The following CPA6 variants were observed in gnomAD, a reference collection of about 807,000 sequenced individuals.
The protein encoded by CPA6 is carboxypeptidase B.
In CPA6, 58 loss-of-function variants were observed where a neutral mutation model predicts 63.3. The observed-to-expected ratio is 0.92, with a 90% CI of 0.74 to 1.14. The LOEUF (loss-of-function observed/expected upper bound fraction) is 1.14. Among genes scored for constraint, CPA6 ranks in the 50% most tolerant of loss-of-function variants. The pLI is 0.00. For synonymous variants in CPA6, 185 were observed against 179.0 expected (o/e 1.03, Z -0.27); for missense variants, 565 against 526.6 (o/e 1.07, Z -0.71).
chr8:67,608,808 C>G (rs1411420544), intron 2 of CPA6, among the ~76,000 whole-genome samples: 3 of 152,174 alleles, frequency 2.0e-5, no homozygotes, highest in Non-Finnish European at 4.4e-5. Context: ...ATGAGCCACC[C>G]CCTTTGTGAG....
chr8:67,437,404 CAAAAT>C (rs2128953050), intron 8 of CPA6, among the ~76,000 whole-genome samples: 1 of 151,488 alleles, frequency 6.6e-6, no homozygotes, highest in East Asian at 1.9e-4. Context: ...CAAAACAAAA[CAAAAT>C]AAAACAAAAC....
chr8:67,585,481 G>A (rs1564010872), intron 2 of CPA6, among the ~76,000 whole-genome samples: 1 of 152,042 alleles, frequency 6.6e-6, no homozygotes, highest in Non-Finnish European at 1.5e-5. Flanking sequence ...AGAAAGCCAT[G>A]TTGTTAGACA....
rs964003354 is a variant in CPA6 at position 67,703,280 on chromosome 8, C to G, written c.116+42734G>C. 5.3e-5 allele frequency among the ~76,000 whole-genome samples: 8 copies of G among 152,308 alleles called. No individual in the cohort carries two copies. In the East Asian group the frequency reaches 1.4e-3, roughly 26 times the overall value. ...CCCAAAGCTGATCTCTCAGCTCACC[C>G]TGATGGGTGGCTTGTTGGGGTGGAA... On this transcript the variant is annotated intron_variant, in intron 1 of 10. Coordinates refer to ENST00000297770, the MANE Select transcript of CPA6 (RefSeq NM_020361.5).
At chr8:67,497,835 G>A (rs1008119726) in intron 6 of CPA6, among the ~76,000 whole-genome samples, 3 of 152,012 alleles carry the variant, frequency 2.0e-5, no homozygotes, top group Admixed American at 6.5e-5. Flanking sequence ...GGGATTACAG[G>A]CATGCACCAC....
chr8:67,507,433 C>T (rs1281518628), intron 5 of CPA6, among the ~76,000 whole-genome samples: 3 of 152,008 alleles, frequency 2.0e-5, no homozygotes, highest in Non-Finnish European at 2.9e-5. Context: ...AACTTGATTT[C>T]TAGAATCAAG....
chr8:67,648,258 G>GTTTTTT (rs4009129), intron 1 of CPA6, among the ~76,000 whole-genome samples: 16 of 113,896 alleles, frequency 1.4e-4, no homozygotes, highest in South Asian at 3.1e-4. Context: ...CCTAGATTAG[G>GTTTTTT]TTTTTTTTTT....
intron 2 of CPA6, among the ~76,000 whole-genome samples, chr8:67,545,690 G>A (rs1812803314): frequency 6.7e-6 from 1 of 149,746 alleles, no homozygotes; most frequent in Non-Finnish European, 1.5e-5. Flanking sequence ...AGCTTCCCAA[G>A]TAGCTGGGAG....
rs75636867 is a variant in CPA6, at chr8:67,667,801, G to A, written c.117-43550C>T. On this transcript the variant is annotated intron_variant, in intron 1 of 10. Transcript: ENST00000297770. ...AGAATAGGAGATTACTGTGTGCCCCGCCCCAGTGGCTGCCAAGACTGGGCT... is the reference window on the plus strand; with the variant it reads ...AGAATAGGAGATTACTGTGTGCCCCACCCCAGTGGCTGCCAAGACTGGGCT... 6.9e-3 allele frequency among the ~76,000 whole-genome samples: 1,051 copies of A among 152,266 alleles called. 7 individuals are homozygous for A. Among genetic ancestry groups the A allele is most frequent in the African/African-American group, 0.024 (992 of 41,550 alleles).
intron 8 of CPA6, among the ~76,000 whole-genome samples, chr8:67,455,005 T>C (rs115249703): frequency 0.029 from 4,479 of 152,062 alleles, 211 homozygotes; most frequent in African/African-American, 0.1. Context: ...GTAACTACAA[T>C]GGCAAAGAAG....
In CPA6 at chr8:67,694,624, T is replaced by G. The variant is rs181576052; in HGVS notation, c.116+51390A>C. Among the ~76,000 whole-genome samples, 9 of 152,238 alleles carry G rather than the reference T, an allele frequency of 5.9e-5. 1 individual carries two copies. The highest frequency in any genetic ancestry group is 3.3e-4 in the Admixed American group (5 of 15,290). ...TGGTCTCCACTCCTGTTACACTGCC[T>G]TCTCTCTGCCAGCCCGCACCTATGG... On this transcript the variant is annotated intron_variant, in intron 1 of 10. Coordinates refer to ENST00000297770, the MANE Select transcript of CPA6 (RefSeq NM_020361.5).
intron 2 of CPA6, among the ~76,000 whole-genome samples, chr8:67,578,569 A>G (rs729407): frequency 0.47 from 71,853 of 152,032 alleles, 19,061 homozygotes; most frequent in African/African-American, 0.71. Flanking sequence ...AAGATGGACT[A>G]GCCACCCTGT....
chr8:67,736,052 C>T (rs1444033191), intron 1 of CPA6, among the ~76,000 whole-genome samples: 3 of 152,018 alleles, frequency 2.0e-5, no homozygotes, highest in Non-Finnish European at 4.4e-5. Flanking sequence ...TCTGAAGGTC[C>T]CAAGTCATCT....
At chr8:67,661,789 C>T (rs537837320) in intron 1 of CPA6, among the ~76,000 whole-genome samples, 4 of 152,194 alleles carry the variant, frequency 2.6e-5, no homozygotes, top group Non-Finnish European at 5.9e-5. Context: ...CAGGCCCTGG[C>T]AACCACTATT....
intron 2 of CPA6, 127 bp downstream of exon 2, chr8:67,624,049 T>C: frequency 1.8e-6 from 1 of 550,192 alleles, no homozygotes; most frequent in Non-Finnish European, 3.2e-6. Flanking sequence ...ATAAAAGCTC[T>C]TTCAAGTTAT....
chr8:67,611,779 T>G (rs1395360148), intron 2 of CPA6, among the ~76,000 whole-genome samples: 1 of 152,168 alleles, frequency 6.6e-6, no homozygotes, highest in Non-Finnish European at 1.5e-5. Flanking sequence ...TCTGGCAAGT[T>G]TTGCTCATAC....
intron 1 of CPA6, among the ~76,000 whole-genome samples, chr8:67,741,894 G>A (rs941206017): frequency 2.0e-5 from 3 of 152,046 alleles, no homozygotes; most frequent in Non-Finnish European, 4.4e-5. Context: ...CGCCACAACC[G>A]TAGAAAAATT....
chr8:67,615,765 G>T (rs1330985077), intron 2 of CPA6, among the ~76,000 whole-genome samples: 1 of 152,188 alleles, frequency 6.6e-6, no homozygotes, highest in East Asian at 1.9e-4. Flanking sequence ...AGCACAAAGG[G>T]ATATAGATGT....
At chr8:67,574,196 G>A (rs897599369) in intron 2 of CPA6, among the ~76,000 whole-genome samples, 1 of 151,682 alleles carries the variant, frequency 6.6e-6, no homozygotes, top group African/African-American at 2.4e-5. Context: ...TGGGCAATAT[G>A]GTAAAACCCC....
intron 10 of CPA6, among the ~76,000 whole-genome samples, chr8:67,423,364 C>A (rs553852010): frequency 6.6e-6 from 1 of 152,240 alleles, no homozygotes; most frequent in Non-Finnish European, 1.5e-5. Context: ...GGATTACAGG[C>A]GTGAGCCACT....
Sources: allele counts gnomAD v4.1 joint callset (sites outside exome capture counted in the v4.1 genomes callset), GRCh38; gene constraint gnomAD v4.1.1; transcripts MANE v1.5; gene names NCBI Gene and HGNC (gene_info 2026-07-23, HGNC 2026-07-21).